Variants in GANC observed in about 807,000 individuals in gnomAD.
GANC encodes neutral alpha-glucosidase C.
In GANC, 117 loss-of-function variants were observed where a neutral mutation model predicts 124.2. That is an observed-to-expected ratio of 0.94 (90% confidence interval 0.81 to 1.10). The LOEUF (loss-of-function observed/expected upper bound fraction) is 1.10, where lower values mean the gene tolerates loss of function less well. Among genes scored for constraint, GANC ranks in the 50% least tolerant of loss-of-function variants. The pLI is 0.00. For synonymous variants in GANC, 377 were observed against 376.8 expected (o/e 1.00, Z -0.01); for missense variants, 1,140 against 1,095.0 (o/e 1.04, Z -0.58).
chr15:42,326,210 T>G (rs1481809449), intron 11 of GANC, 88 bp from the exon 12 acceptor site: 1 of 873,216 alleles, frequency 1.1e-6, no homozygotes, highest in Non-Finnish European at 1.8e-6. Flanking sequence ...TTGTAAAAAT[T>G]GAACCCCCAA....
intron 1 of GANC, among the ~76,000 whole-genome samples, chr15:42,274,810 T>C (rs959236316): frequency 6.6e-6 from 1 of 151,834 alleles, no homozygotes; most frequent in Non-Finnish European, 1.5e-5. Flanking sequence ...TCCCAGCTAC[T>C]TGGGAGACCA....
chr15:42,287,602 A>G (rs1329239450), intron 3 of GANC, 89 bp from the exon 4 acceptor site: 6 of 1,423,590 alleles, frequency 4.2e-6, no homozygotes, highest in Non-Finnish European at 5.7e-6. Context: ...CATAATTGAA[A>G]CAAATACTTT....
chr15:42,273,346 C>T lies in GANC; in HGVS notation c.-1136C>T, dbSNP rs771153563. ...AAACGACAGTGGTGACGGGTGAGCT[C>T]CCAGAAGCAGAAGAATGACAGGCAA... On this transcript the variant is annotated 5_prime_UTR_variant, in exon 1 of 24. Transcript: ENST00000318010. 3.7e-6 allele frequency: 6 copies of T among 1,614,106 alleles called. No individual in the cohort carries two copies. In the East Asian group the frequency reaches 8.9e-5, roughly 24 times the overall value.
intron 6 of GANC, among the ~76,000 whole-genome samples, chr15:42,305,270 A>T (rs562665714): frequency 9.4e-4 from 143 of 152,296 alleles, no homozygotes; most frequent in African/African-American, 3.2e-3. Flanking sequence ...GAAAAAAACA[A>T]CCCCATCAAA....
At chr15:42,288,267 A>AT (rs1195387236) in intron 4 of GANC, among the ~76,000 whole-genome samples, 4 of 152,194 alleles carry the variant, frequency 2.6e-5, no homozygotes, top group African/African-American at 9.6e-5. Flanking sequence ...GACTCACTTA[A>AT]TTAAGGTTAT....
chr15:42,297,724 A>G (rs567933209), intron 6 of GANC, 68 bp downstream of exon 6: 30 of 1,154,900 alleles, frequency 2.6e-5, no homozygotes, highest in Non-Finnish European at 3.0e-5. Context: ...CATATAAGGA[A>G]TTCTCTTTCT....
chr15:42,314,249 C>T, intron 10 of GANC: 1 of 694,272 alleles, frequency 1.4e-6, no homozygotes, highest in Non-Finnish European at 2.6e-6. Context: ...AGCTACCCAG[C>T]ATGGAATTTA....
intron 13 of GANC, among the ~76,000 whole-genome samples, chr15:42,327,664 A>G (rs2052208744): frequency 6.6e-6 from 1 of 152,216 alleles, no homozygotes; most frequent in Non-Finnish European, 1.5e-5. Flanking sequence ...CCTCTATTAT[A>G]ATAGACTCTA....
chr15:42,290,288 G>A (rs2051828975), intron 4 of GANC, among the ~76,000 whole-genome samples: 1 of 152,202 alleles, frequency 6.6e-6, no homozygotes, highest in Admixed American at 6.5e-5. Flanking sequence ...CAACTTCACT[G>A]AAGAGTTTAA....
intron 19 of GANC, 177 bp downstream of exon 19, chr15:42,343,331 A>T: frequency 1.7e-6 from 1 of 581,432 alleles, no homozygotes; most frequent in Non-Finnish European, 3.1e-6. Context: ...TTAATGGAGG[A>T]GAGGAGGGAG....
At chr15:42,313,864 C>G in intron 10 of GANC, 1 of 564,832 alleles carries the variant, frequency 1.8e-6, no homozygotes, top group African/African-American at 1.9e-5. Context: ...TCAAGTAATC[C>G]TCTGCCTTGC....
chr15:42,340,398 G>T (rs1318577891), intron 17 of GANC, among the ~76,000 whole-genome samples: 3 of 152,026 alleles, frequency 2.0e-5, no homozygotes, highest in Admixed American at 2.0e-4. Flanking sequence ...TCTGAGGTCT[G>T]GAGTTCGAGA....
At chr15:42,291,027 G>C (rs906402978) in intron 4 of GANC, among the ~76,000 whole-genome samples, 3 of 151,826 alleles carry the variant, frequency 2.0e-5, no homozygotes, top group African/African-American at 7.3e-5. Context: ...TCCTGTGCCC[G>C]ACCCCTACCA....
Position 42,322,810 on chromosome 15 carries a change from A to AGTG in GANC, c.1293+802_1293+804dup, listed in dbSNP as rs374959980. On this transcript the variant is annotated intron_variant, in intron 11 of 23. Coordinates refer to ENST00000318010, the MANE Select transcript of GANC (RefSeq NM_198141.3). ...TATAATGCTGCTTTCCAGTTCCAGG[A>AGTG]GTGGTGGTGGTGGTAATAGCAATAA... Among the ~76,000 whole-genome samples, 393 of 152,152 alleles carry AGTG rather than the reference A, an allele frequency of 2.6e-3. 6 individuals are homozygous for AGTG. The Middle Eastern group carries it at 0.034, about 13-fold the overall frequency.
chr15:42,295,631 T>G (rs1252347848), intron 5 of GANC, among the ~76,000 whole-genome samples: 6 of 125,356 alleles, frequency 4.8e-5, no homozygotes, highest in African/African-American at 1.8e-4. Flanking sequence ...AAAAAAAGCT[T>G]TATTATAGAC....
chr15:42,315,266 T>G (rs538297507), intron 10 of GANC, among the ~76,000 whole-genome samples: 3 of 151,936 alleles, frequency 2.0e-5, no homozygotes, highest in African/African-American at 7.2e-5. Context: ...GGAAAATAAA[T>G]AAATAAATCT....
rs773746117 is a variant in GANC at position 42,273,348 on chromosome 15, C to G, written c.-1134C>G. 2 of 1,614,132 alleles carry G rather than the reference C, an allele frequency of 1.2e-6. No individual in the cohort carries two copies. Among genetic ancestry groups the G allele is most frequent in the South Asian group, 2.2e-5 (2 of 91,088 alleles). On this transcript the variant is annotated 5_prime_UTR_variant, in exon 1 of 24. Transcript: ENST00000318010. ...ACGACAGTGGTGACGGGTGAGCTCCCAGAAGCAGAAGAATGACAGGCAACA... is the reference window on the plus strand; with the variant it reads ...ACGACAGTGGTGACGGGTGAGCTCCGAGAAGCAGAAGAATGACAGGCAACA...
In GANC at chr15:42,276,342, A is replaced by C; in HGVS notation, c.30-6A>C. 7.5e-7 allele frequency: 1 copy of C among 1,327,510 alleles called. No homozygotes were observed. The highest frequency in any genetic ancestry group is 1.4e-5 in the African/African-American group (1 of 69,800). 82.2% of individuals were successfully genotyped at this position (1,327,510 alleles called of 1,614,324 possible). On this transcript the variant is annotated splice_polypyrimidine_tract_variant and splice_region_variant and intron_variant, in intron 1 of 23. Coordinates refer to ENST00000318010, the MANE Select transcript of GANC (RefSeq NM_198141.3). Reference sequence around the variant, plus strand: ...AATAAATTTCTCAAAATGTCTTTTTATTTAGTCTTGAAGATGAAGCTGTAG... The same window carrying C: ...AATAAATTTCTCAAAATGTCTTTTTCTTTAGTCTTGAAGATGAAGCTGTAG...
intron 1 of GANC, among the ~76,000 whole-genome samples, chr15:42,275,301 G>A (rs894274146): frequency 9.9e-5 from 15 of 152,136 alleles, no homozygotes; most frequent in Non-Finnish European, 4.4e-5. Context: ...CTGAGCCCAG[G>A]AGGCGGCAGT....
Sources: gnomAD v4.1 joint callset for allele counts (sites outside exome capture counted in the v4.1 genomes callset) on GRCh38, gnomAD v4.1.1 for gene constraint, MANE v1.5 for transcripts, NCBI Gene and HGNC (gene_info 2026-07-23, HGNC 2026-07-21) for gene names.